The following SHPRH variants were observed in gnomAD, a reference collection of about 807,000 sequenced individuals.
SHPRH encodes the protein E3 ubiquitin-protein ligase SHPRH.
In SHPRH, 106 loss-of-function variants were observed where a neutral mutation model predicts 202.5. The ratio of observed to expected loss-of-function variants is 0.52; its 90% CI spans 0.45 to 0.62. The LOEUF is 0.62. SHPRH is among the 20% of genes least tolerant of loss of function. The probability of loss-of-function intolerance (pLI) is 0.00; values close to 1 mark genes in which losing one functional copy is unlikely to be tolerated. For missense variants in SHPRH, 1,710 were observed against 2,020.0 expected (o/e 0.85, Z 2.94); for synonymous variants, 729 against 686.0 (o/e 1.06, Z -0.98).
intron 16 of SHPRH, among the ~76,000 whole-genome samples, chr6:145,925,810 G>T (rs1784825845): frequency 1.3e-5 from 2 of 151,962 alleles, no homozygotes; most frequent in African/African-American, 2.4e-5. Context: ...CCAAAAATTT[G>T]ACTTTATTTA....
chr6:145,914,439 A>G (rs947963448), intron 23 of SHPRH, among the ~76,000 whole-genome samples: 1 of 152,206 alleles, frequency 6.6e-6, no homozygotes, highest in African/African-American at 2.4e-5. Flanking sequence ...GAGATTATAA[A>G]TATTTTAGGC....
Position 145,949,555 on chromosome 6 carries a change from A to C in SHPRH, c.982+709T>G, listed in dbSNP as rs551613139. Among the ~76,000 whole-genome samples, 5 of 152,226 alleles carry C rather than the reference A, an allele frequency of 3.3e-5. No individual in the cohort carries two copies. The South Asian group carries it at 1.0e-3, about 31-fold the overall frequency. On this transcript the variant is annotated intron_variant, in intron 4 of 29. Coordinates refer to ENST00000275233, the MANE Select transcript of SHPRH (RefSeq NM_001042683.3). ...AAGCTATAAGTACATGGGGGCATAC[A>C]GAATAGTATAACGGATACTGGAAAC... is the stretch of plus-strand genomic sequence containing the variant.
Position 145,913,544 on chromosome 6 carries a change from T to C in SHPRH, c.4260A>G (p.Gln1420=), listed in dbSNP as rs1158459047. ...LLYLTNLEKS[Q]DKTSGGVNPE... ...GATTAACACCTCCCGATGTTTTATC[T>C]TGAGACTATCCAAAAAAGAATTAAA... is the stretch of plus-strand genomic sequence containing the variant. Residue 1420 remains glutamine, a synonymous_variant, in exon 24 of 30, where the codon CAA becomes CAG. Coordinates refer to ENST00000275233, the MANE Select transcript of SHPRH (RefSeq NM_001042683.3). 6.2e-7 allele frequency: 1 copy of C among 1,606,760 alleles called. No individual in the cohort carries two copies. The highest frequency in any genetic ancestry group is 8.5e-7 in the Non-Finnish European group (1 of 1,177,184).
chr6:145,959,169 A>G (rs1304782067), intron 1 of SHPRH, among the ~76,000 whole-genome samples: 7 of 152,182 alleles, frequency 4.6e-5, no homozygotes, highest in Non-Finnish European at 2.9e-5. Context: ...TTTGTGTAGC[A>G]TAAGTGTACA....
chr6:145,867,599 A>AATATATATATATATATATATAT (rs374395571), intron 2 of SHPRH, among the ~76,000 whole-genome samples: 5 of 21,582 alleles, frequency 2.3e-4, no homozygotes, highest in African/African-American at 3.6e-4. Context: ...TTCAAAAAAG[A>AATATATATATATATATATATAT]ATATATATAT....
At chr6:145,867,617 TATATATATATATATAGAG>T (rs1779840499) in intron 2 of SHPRH, among the ~76,000 whole-genome samples, 1 of 69,234 alleles carries the variant, frequency 1.4e-5, no homozygotes, top group Non-Finnish European at 2.6e-5. Flanking sequence ...TATATATATA[TATATATATATATATAGAG>T]AGAGAGAGAG....
At chr6:145,899,783 T>C (rs192886956) in intron 25 of SHPRH, among the ~76,000 whole-genome samples, 40 of 152,146 alleles carry the variant, frequency 2.6e-4, no homozygotes, top group Non-Finnish European at 4.7e-4. Flanking sequence ...ATCCAAAATA[T>C]ACCAGAAACT....
chr6:145,945,608 T>C lies in SHPRH; in HGVS notation c.1351A>G (p.Lys451Glu). 1.2e-6 allele frequency: 2 copies of C among 1,612,062 alleles called. No individual in the cohort carries two copies. The highest frequency in any genetic ancestry group is 1.7e-6 in the Non-Finnish European group (2 of 1,179,266). The change falls in exon 8 of 30, where the codon AAA becomes GAA. Residue 451 changes from lysine (K) to glutamate (E), a missense_variant. By Grantham distance (56) the Lys-to-Glu change is moderately conservative. Coordinates refer to ENST00000275233, the MANE Select transcript of SHPRH (RefSeq NM_001042683.3). ...ACTCCTTTTTTTCCATTCATTTCTTTCACAGCTGTCAGTATCATCACACGT... is the reference window on the plus strand; with the variant it reads ...ACTCCTTTTTTTCCATTCATTTCTTCCACAGCTGTCAGTATCATCACACGT... ...PTRVMILTAV[K>E]EMNGKKGVSI...
chr6:145,880,195 A>T (rs951028495), downstream of SHPRH, among the ~76,000 whole-genome samples: 1 of 152,150 alleles, frequency 6.6e-6, no homozygotes, highest in African/African-American at 2.4e-5. Context: ...GAGATAATAA[A>T]TTATTATTAA....
At chr6:145,899,368 G>A (rs1483922715) in intron 25 of SHPRH, among the ~76,000 whole-genome samples, 1 of 152,078 alleles carries the variant, frequency 6.6e-6, no homozygotes. Flanking sequence ...GAACAGGAGA[G>A]AGCCCAGAAA....
chr6:145,952,568 C>A (rs1788088368), intron 2 of SHPRH, 90 bp from the exon 3 acceptor site: 5 of 1,228,252 alleles, frequency 4.1e-6, no homozygotes, highest in Admixed American at 2.6e-5. Flanking sequence ...AGCATCACTA[C>A]TTTTAAAGGT....
chr6:145,925,940 C>T (rs1216105645), intron 16 of SHPRH, among the ~76,000 whole-genome samples: 1 of 151,910 alleles, frequency 6.6e-6, no homozygotes, highest in Non-Finnish European at 1.5e-5. Context: ...CATTTATTTA[C>T]ATCCCATTCT....
At chr6:145,917,883 C>T (rs1358211848) in intron 23 of SHPRH, 2 of 319,058 alleles carry the variant, frequency 6.3e-6, no homozygotes. Flanking sequence ...AGGCTTTGAA[C>T]TACAGTCCAT....
At chr6:145,932,092 T>C (rs1785522096) in intron 14 of SHPRH, among the ~76,000 whole-genome samples, 1 of 152,158 alleles carries the variant, frequency 6.6e-6, no homozygotes, top group Non-Finnish European at 1.5e-5. Flanking sequence ...AAGTGAATTT[T>C]CTATATTAGA....
In SHPRH at chr6:145,946,249, T is replaced by C. The variant is rs1163946573; in HGVS notation, c.1305A>G (p.Glu435=). The change falls in exon 7 of 30, where the codon GAA becomes GAG. Residue 435 remains glutamate (E), a synonymous_variant. Coordinates refer to ENST00000275233, the MANE Select transcript of SHPRH (RefSeq NM_001042683.3). The part of the protein sequence containing the change: ...EIQNIEFEPK[E]KVQCPPTRVM... ...CTTACTTACGAGGGCATTGAACTTT[T>C]TCTTTTGGTTCAAATTCGATATTCT... 3.1e-6 allele frequency: 5 copies of C among 1,609,038 alleles called. No homozygotes were observed. Among genetic ancestry groups the C allele is most frequent in the Admixed American group, 3.4e-5 (2 of 59,478 alleles).
chr6:145,860,893 G>A (rs1779556968), downstream of SHPRH, among the ~76,000 whole-genome samples: 1 of 152,086 alleles, frequency 6.6e-6, no homozygotes, highest in African/African-American at 2.4e-5. Context: ...AATATACAAT[G>A]AGGAAAAGAT....
At position 145,924,725 on chromosome 6, in the gene SHPRH, GC is replaced by G. The variant is rs750630884; in HGVS notation, c.3402+13del. Reference sequence around the variant, plus strand: ...GAGGCAAATACAAGTAAGAAACACTGCATTTTGGCATACCTTTCTTTGAAGC... The same window carrying G: ...GAGGCAAATACAAGTAAGAAACACTGATTTTGGCATACCTTTCTTTGAAGC... On this transcript the variant is annotated intron_variant, in intron 17 of 29. Coordinates refer to ENST00000275233, the MANE Select transcript of SHPRH (RefSeq NM_001042683.3). The G allele has an allele frequency of 2.4e-5, 39 of 1,607,502 alleles. No homozygotes were observed. In the Admixed American group the frequency reaches 5.4e-4, roughly 22 times the overall value.
chr6:145,894,429 T>TG (rs990908481), intron 26 of SHPRH, among the ~76,000 whole-genome samples, 193 bp from the exon 27 acceptor site: 1 of 151,288 alleles, frequency 6.6e-6, no homozygotes, highest in Non-Finnish European at 1.5e-5. Flanking sequence ...TGTTTTTTTT[T>TG]TTTTGCATCA....
At chr6:145,934,678 A>T (rs930001731) in intron 13 of SHPRH, among the ~76,000 whole-genome samples, 5 of 151,456 alleles carry the variant, frequency 3.3e-5, no homozygotes, top group African/African-American at 1.2e-4. Flanking sequence ...AAAAAAAAAC[A>T]AACAACAACA....
Sources: gnomAD v4.1 joint callset for allele counts (sites outside exome capture counted in the v4.1 genomes callset) on GRCh38, gnomAD v4.1.1 for gene constraint, MANE v1.5 for transcripts, NCBI Gene and HGNC (gene_info 2026-07-23, HGNC 2026-07-21) for gene names.